SCHIP1: variants seen among roughly 807,000 people sequenced by gnomAD.
SCHIP1 encodes the protein schwannomin-interacting protein 1.
In SCHIP1, 8 loss-of-function variants were observed where a neutral mutation model predicts 29.7. The ratio of observed to expected loss-of-function variants is 0.27; its 90% CI spans 0.16 to 0.49. The LOEUF (loss-of-function observed/expected upper bound fraction) is 0.49. Ranked by LOEUF, SCHIP1 falls within the 20% of genes least tolerant of loss-of-function variation. SCHIP1 has a pLI of 0.99. For synonymous variants in SCHIP1, 76 were observed against 94.9 expected (o/e 0.80, Z 1.16); for missense variants, 193 against 294.6 (o/e 0.66, Z 2.52).
the SCHIP1 span, among the ~76,000 whole-genome samples, chr3:159,545,909 G>A: frequency 0.25 from 37,690 of 151,126 alleles, 5,195 homozygotes; most frequent in East Asian, 0.4. Context: ...GACTGAGCAT[G>A]TTCCTCCACT....
the SCHIP1 span, among the ~76,000 whole-genome samples, chr3:159,726,968 G>A: frequency 3.3e-5 from 5 of 152,104 alleles, no homozygotes; most frequent in Non-Finnish European, 7.3e-5. Flanking sequence ...GGCAATTGGC[G>A]ATATGCTGGA....
the SCHIP1 span, among the ~76,000 whole-genome samples, chr3:159,655,690 C>G: frequency 2.0e-5 from 3 of 152,250 alleles, no homozygotes; most frequent in African/African-American, 7.2e-5. Flanking sequence ...GTGTTTGAGA[C>G]AAGCCTAGCC....
chr3:159,286,534 A>G, the SCHIP1 span, among the ~76,000 whole-genome samples: 1 of 152,226 alleles, frequency 6.6e-6, no homozygotes, highest in African/African-American at 2.4e-5. Flanking sequence ...CGATTAGCAT[A>G]CATGAGCATG....
chr3:159,359,052 C>T, the SCHIP1 span, among the ~76,000 whole-genome samples: 18 of 151,310 alleles, frequency 1.2e-4, no homozygotes, highest in East Asian at 1.2e-3. Flanking sequence ...CTCAGCCTCC[C>T]GAGTAGCTGG....
the SCHIP1 span, among the ~76,000 whole-genome samples, chr3:159,550,456 A>G: frequency 6.6e-6 from 1 of 152,068 alleles, no homozygotes; most frequent in Non-Finnish European, 1.5e-5. Context: ...ATGGTATAAA[A>G]TACTCCTCTT....
At chr3:159,776,463 C>T in the SCHIP1 span, among the ~76,000 whole-genome samples, 1,094 of 151,078 alleles carry the variant, frequency 7.2e-3, 10 homozygotes, top group African/African-American at 0.026. Flanking sequence ...AAAATTGGTT[C>T]GGCAAGGAGT....
the SCHIP1 span, among the ~76,000 whole-genome samples, chr3:159,418,938 A>G: frequency 6.6e-6 from 1 of 152,230 alleles, no homozygotes; most frequent in African/African-American, 2.4e-5. Flanking sequence ...CCTTTTATGT[A>G]CTGTGTGGGT....
At chr3:159,628,233 G>T in the SCHIP1 span, among the ~76,000 whole-genome samples, 2 of 152,184 alleles carry the variant, frequency 1.3e-5, no homozygotes, top group Non-Finnish European at 2.9e-5. Context: ...AGAAATGTAG[G>T]TGAACAGAAG....
the SCHIP1 span, among the ~76,000 whole-genome samples, chr3:159,473,673 C>T: frequency 2.1e-4 from 5 of 24,066 alleles, no homozygotes; most frequent in African/African-American, 3.0e-4. Context: ...AATGTAACTA[C>T]GAAAAAAAAA....
At chr3:159,351,640 AG>A in the SCHIP1 span, among the ~76,000 whole-genome samples, 1 of 152,188 alleles carries the variant, frequency 6.6e-6, no homozygotes, top group African/African-American at 2.4e-5. Context: ...GGCATACATT[AG>A]TAAGTACAAG....
chr3:159,845,879 G>A (rs574643702), intron 1 of SCHIP1: 1 of 152,350 alleles, frequency 6.6e-6, no homozygotes, highest in South Asian at 2.1e-4. Flanking sequence ...GTAACAAGGA[G>A]TTGGTGAAGC....
chr3:159,856,674 C>T (rs757325257), intron 1 of SCHIP1, among the ~76,000 whole-genome samples: 1 of 152,184 alleles, frequency 6.6e-6, no homozygotes, highest in East Asian at 1.9e-4. Context: ...CCGGGCCAGC[C>T]GCTCGCTTCG....
the SCHIP1 span, among the ~76,000 whole-genome samples, chr3:159,833,670 G>A: frequency 0.081 from 12,257 of 152,122 alleles, 1,582 homozygotes; most frequent in African/African-American, 0.28. Context: ...AGCTTCAACT[G>A]TCCTCTCTGT....
chr3:159,715,940 C>A, the SCHIP1 span, among the ~76,000 whole-genome samples: 1 of 152,022 alleles, frequency 6.6e-6, no homozygotes, highest in African/African-American at 2.4e-5. Flanking sequence ...CTCCAAGACA[C>A]ATAATTGTCA....
At chr3:159,851,397 C>T (rs1031031250) in intron 1 of SCHIP1, among the ~76,000 whole-genome samples, 2 of 152,184 alleles carry the variant, frequency 1.3e-5, no homozygotes, top group Non-Finnish European at 2.9e-5. Flanking sequence ...GCAGAGAGCC[C>T]ATATTCATCT....
At chr3:159,797,167 A>G in the SCHIP1 span, among the ~76,000 whole-genome samples, 2 of 152,246 alleles carry the variant, frequency 1.3e-5, no homozygotes, top group African/African-American at 4.8e-5. Flanking sequence ...TAAGTTGGTA[A>G]GGTTGTTGCA....
At chr3:159,874,738 G>A (rs969752315) in intron 2 of SCHIP1, among the ~76,000 whole-genome samples, 2 of 152,126 alleles carry the variant, frequency 1.3e-5, no homozygotes, top group South Asian at 2.1e-4. Flanking sequence ...TAAGCACAAC[G>A]GTTATATCTG....
At chr3:159,708,103 T>C in the SCHIP1 span, among the ~76,000 whole-genome samples, 1 of 152,112 alleles carries the variant, frequency 6.6e-6, no homozygotes, top group African/African-American at 2.4e-5. Context: ...TGACACAAAG[T>C]GGGCCTGAGT....
the SCHIP1 span, chr3:159,275,189 G>A: frequency 1.5e-5 from 8 of 545,536 alleles, no homozygotes; most frequent in Middle Eastern, 9.4e-4. Context: ...TATTTAAAAG[G>A]CCTCAGTTTT....
Sources: allele counts gnomAD v4.1 joint callset (sites outside exome capture counted in the v4.1 genomes callset), GRCh38; gene constraint gnomAD v4.1.1; transcripts MANE v1.5; gene names NCBI Gene and HGNC (gene_info 2026-07-23, HGNC 2026-07-21).